Variants in RSU1 observed in about 807,000 individuals in gnomAD.
RSU1 encodes the protein rsu-1.
Under a neutral mutation model 31.1 loss-of-function variants are expected in RSU1, and 26 were observed. The observed-to-expected ratio is 0.84, with a 90% CI of 0.61 to 1.16. RSU1 has a LOEUF of 1.16. Among genes scored for constraint, RSU1 ranks in the 50% most tolerant of loss-of-function variants. The pLI is 0.00. For synonymous variants in RSU1, 164 were observed against 136.3 expected, an observed-to-expected ratio of 1.20 and a Z score of -1.41; for missense variants, 320 against 339.1, an observed-to-expected ratio of 0.94 and a Z score of 0.44.
In RSU1 at chr10:16,590,713, A is replaced by G. The variant is rs752461956; in HGVS notation, c.*2681T>C. The G allele has an allele frequency of 6.6e-6, 1 of 152,220 alleles. No homozygotes were observed. The highest frequency in any genetic ancestry group is 2.1e-4 in the South Asian group (1 of 4,826). 9.4% of individuals were successfully genotyped at this position (152,220 alleles called of 1,614,324 possible). A position where few individuals can be genotyped will look rare whatever the true frequency, so the allele number is the denominator to read the frequency against. Reference sequence around the variant, plus strand: ...CAGAATGAATAAGTAAAATTCTAGAAAGTCTTAGTTCACAATACAGAGATA... The same window carrying G: ...CAGAATGAATAAGTAAAATTCTAGAGAGTCTTAGTTCACAATACAGAGATA... On this transcript the variant is annotated 3_prime_UTR_variant, in exon 9 of 9. Coordinates refer to ENST00000345264, the MANE Select transcript of RSU1 (RefSeq NM_012425.4).
intron 2 of RSU1, among the ~76,000 whole-genome samples, chr10:16,813,936 C>T (rs1325022316): frequency 3.3e-5 from 5 of 152,190 alleles, no homozygotes; most frequent in Non-Finnish European, 5.9e-5. Context: ...GGAAGAAAGA[C>T]GGGCATCTCA....
At chr10:16,744,356 T>C (rs548922484) in intron 7 of RSU1, among the ~76,000 whole-genome samples, 30 of 152,210 alleles carry the variant, frequency 2.0e-4, no homozygotes, top group Middle Eastern at 3.4e-3. Context: ...AATGAAGCAA[T>C]TGGTTCAGAA....
At chr10:16,699,896 A>G (rs921652305) in intron 7 of RSU1, among the ~76,000 whole-genome samples, 1 of 152,230 alleles carries the variant, frequency 6.6e-6, no homozygotes, top group Admixed American at 6.5e-5. Flanking sequence ...CCATTTTATT[A>G]CCTGCAAAAC....
intron 3 of RSU1, among the ~76,000 whole-genome samples, chr10:16,775,333 C>T (rs1159383169): frequency 2.6e-5 from 4 of 152,178 alleles, no homozygotes; most frequent in Non-Finnish European, 5.9e-5. Flanking sequence ...TACACTCCCC[C>T]GTCTTATTTT....
At chr10:16,601,172 C>A (rs1833709248) in intron 8 of RSU1, among the ~76,000 whole-genome samples, 1 of 152,172 alleles carries the variant, frequency 6.6e-6, no homozygotes, top group Non-Finnish European at 1.5e-5. Flanking sequence ...GGCTATGAAT[C>A]CCCAAAAGGC....
chr10:16,779,544 T>A (rs1348437583), intron 3 of RSU1, among the ~76,000 whole-genome samples: 1 of 151,776 alleles, frequency 6.6e-6, no homozygotes, highest in Non-Finnish European at 1.5e-5. Context: ...AGTACATAAG[T>A]GGAAATGTCA....
intron 2 of RSU1, among the ~76,000 whole-genome samples, chr10:16,805,865 G>C (rs762920404): frequency 1.3e-5 from 2 of 152,044 alleles, no homozygotes; most frequent in Non-Finnish European, 2.9e-5. Context: ...CCGAGTGGAA[G>C]GGAGGTCAAG....
intron 3 of RSU1, among the ~76,000 whole-genome samples, chr10:16,777,734 C>T (rs1476321786): frequency 6.6e-6 from 1 of 152,114 alleles, no homozygotes; most frequent in Non-Finnish European, 1.5e-5. Context: ...CACCATAAAA[C>T]CTAGGGATTG....
chr10:16,776,116 G>A (rs1244220247), intron 3 of RSU1, among the ~76,000 whole-genome samples: 1 of 152,206 alleles, frequency 6.6e-6, no homozygotes, highest in African/African-American at 2.4e-5. Context: ...GAGTGGTGAA[G>A]GTCGTCCTCA....
chr10:16,626,051 T>C (rs1834154573), intron 8 of RSU1, among the ~76,000 whole-genome samples: 1 of 147,350 alleles, frequency 6.8e-6, no homozygotes, highest in South Asian at 2.1e-4. Flanking sequence ...CCTTTTTTCT[T>C]TTTTTTTTTT....
intron 8 of RSU1, among the ~76,000 whole-genome samples, chr10:16,628,294 G>A (rs770375848): frequency 7.2e-5 from 11 of 152,112 alleles, no homozygotes; most frequent in South Asian, 2.1e-4. Context: ...GAATATCAGC[G>A]CATTATAAAA....
chr10:16,697,846 G>T (rs543693618), intron 7 of RSU1, among the ~76,000 whole-genome samples: 1 of 152,058 alleles, frequency 6.6e-6, no homozygotes, highest in South Asian at 2.1e-4. Context: ...CTGCAAAATT[G>T]GTTATCCTAA....
rs187423834 is a variant in RSU1 at position 16,792,928 on chromosome 10, C to T, written c.110-10844G>A. Among the ~76,000 whole-genome samples, 131 of 152,312 alleles carry T rather than the reference C, an allele frequency of 8.6e-4. No homozygotes were observed. In the Middle Eastern group the frequency reaches 0.014, roughly 16 times the overall value. ...CTGACCAACTTGAGCTCTGCATCTCCGTGATGCTGCTTAAAACGCCTGCCC... is the reference window on the plus strand; with the variant it reads ...CTGACCAACTTGAGCTCTGCATCTCTGTGATGCTGCTTAAAACGCCTGCCC... On this transcript the variant is annotated intron_variant, in intron 2 of 8. Transcript: ENST00000345264.
intron 7 of RSU1, among the ~76,000 whole-genome samples, chr10:16,739,896 C>T (rs1488361340): frequency 6.6e-6 from 1 of 152,098 alleles, no homozygotes; most frequent in Non-Finnish European, 1.5e-5. Context: ...CAGGCGTGAG[C>T]CACCGTGCCC....
At chr10:16,804,744 T>C (rs1234431816) in intron 2 of RSU1, among the ~76,000 whole-genome samples, 9 of 152,190 alleles carry the variant, frequency 5.9e-5, no homozygotes, top group Non-Finnish European at 1.3e-4. Flanking sequence ...CGATTCCAGC[T>C]ATATGACATT....
At position 16,719,490 on chromosome 10, in the gene RSU1, C is replaced by T. The variant is rs547666973; in HGVS notation, c.599-24335G>A. Among the ~76,000 whole-genome samples the T allele has an allele frequency of 2.0e-4, 30 of 152,302 alleles. 1 individual carries two copies. In the South Asian group the frequency reaches 4.8e-3, roughly 24 times the overall value. ...CTCTTCTCCCCTCTGCTTCCCAAAACGTAACTTATTTGCTGTCACCTCTTC... is the reference window on the plus strand; with the variant it reads ...CTCTTCTCCCCTCTGCTTCCCAAAATGTAACTTATTTGCTGTCACCTCTTC... On this transcript the variant is annotated intron_variant, in intron 7 of 8. Transcript: ENST00000345264.
intron 8 of RSU1, among the ~76,000 whole-genome samples, chr10:16,644,150 A>C (rs146984702): frequency 6.6e-6 from 1 of 152,092 alleles, no homozygotes; most frequent in Non-Finnish European, 1.5e-5. Context: ...CTGAAGAGTG[A>C]TTATATAGTC....
chr10:16,806,752 G>T (rs1180074164), intron 2 of RSU1, among the ~76,000 whole-genome samples: 2 of 152,078 alleles, frequency 1.3e-5, no homozygotes, highest in Non-Finnish European at 2.9e-5. Context: ...ATTTACAGCT[G>T]TTTCATTATT....
At chr10:16,613,283 T>C (rs1833924104) in intron 8 of RSU1, among the ~76,000 whole-genome samples, 1 of 152,238 alleles carries the variant, frequency 6.6e-6, no homozygotes, top group African/African-American at 2.4e-5. Flanking sequence ...AATTTCCATA[T>C]GTCTCTGTGC....
Sources: allele counts gnomAD v4.1 joint callset (sites outside exome capture counted in the v4.1 genomes callset), GRCh38; gene constraint gnomAD v4.1.1; transcripts MANE v1.5; gene names NCBI Gene and HGNC (gene_info 2026-07-23, HGNC 2026-07-21).